PDSS2: variants seen among roughly 807,000 people sequenced by gnomAD.
PDSS2 encodes decaprenyl diphosphate synthase subunit 2.
In PDSS2, 31 loss-of-function variants were observed where a neutral mutation model predicts 44.5. That is an observed-to-expected ratio of 0.70 (90% CI 0.52 to 0.94). The LOEUF (loss-of-function observed/expected upper bound fraction) is 0.94, where lower values mean the gene tolerates loss of function less well. PDSS2 is among the 40% of genes least tolerant of loss of function. PDSS2 has a pLI of 0.00. For missense variants in PDSS2, 452 were observed against 482.2 expected (o/e 0.94, Z 0.59); for synonymous variants, 157 against 180.3 (o/e 0.87, Z 1.03).
intron 7 of PDSS2, among the ~76,000 whole-genome samples, chr6:107,187,794 C>A (rs1772225062): frequency 6.6e-6 from 1 of 152,158 alleles, no homozygotes; most frequent in Non-Finnish European, 1.5e-5. Context: ...GTTTGTCAAG[C>A]ACTCCTATGT....
intron 5 of PDSS2, among the ~76,000 whole-genome samples, chr6:107,211,356 A>G (rs1773197704): frequency 6.6e-6 from 1 of 151,882 alleles, no homozygotes; most frequent in Non-Finnish European, 1.5e-5. Flanking sequence ...CATTCAAAGA[A>G]TTAGTTATTA....
intron 1 of PDSS2, among the ~76,000 whole-genome samples, chr6:107,443,191 G>A (rs1781561657): frequency 6.6e-6 from 1 of 152,274 alleles, no homozygotes; most frequent in Admixed American, 6.5e-5. Flanking sequence ...TCTTCTGCCA[G>A]GCTTTCCTGC....
intron 3 of PDSS2, among the ~76,000 whole-genome samples, chr6:107,248,281 A>C (rs1294918977): frequency 1.3e-5 from 2 of 152,134 alleles, no homozygotes; most frequent in Admixed American, 6.6e-5. Context: ...TGCTGGCAGG[A>C]ATAATGGCAG....
chr6:107,437,967 G>A (rs1423763809), intron 1 of PDSS2, among the ~76,000 whole-genome samples: 1 of 152,138 alleles, frequency 6.6e-6, no homozygotes, highest in African/African-American at 2.4e-5. Flanking sequence ...GAGAAGGACT[G>A]CTACTGAAAT....
chr6:107,249,775 T>C (rs1297417861), intron 3 of PDSS2, among the ~76,000 whole-genome samples: 4 of 152,164 alleles, frequency 2.6e-5, no homozygotes, highest in Admixed American at 2.6e-4. Flanking sequence ...TGCTGCAGCA[T>C]AGGACAGTAA....
At chr6:107,454,074 G>A (rs1781958128) in intron 1 of PDSS2, among the ~76,000 whole-genome samples, 2 of 148,722 alleles carry the variant, frequency 1.3e-5, no homozygotes, top group South Asian at 4.2e-4. Flanking sequence ...TTGAGACAAG[G>A]TATCACTCCA....
At chr6:107,258,199 A>G (rs548861323) in intron 3 of PDSS2, among the ~76,000 whole-genome samples, 1 of 152,336 alleles carries the variant, frequency 6.6e-6, no homozygotes, top group East Asian at 1.9e-4. Flanking sequence ...ACTGCTTTAG[A>G]TTGCTGAAAT....
At chr6:107,378,681 G>A (rs915842086) in intron 1 of PDSS2, among the ~76,000 whole-genome samples, 6 of 152,176 alleles carry the variant, frequency 3.9e-5, no homozygotes, top group African/African-American at 1.2e-4. Context: ...AGCTACTGAA[G>A]GGGCTGAGGC....
chr6:107,396,682 T>TTTC (rs1554276012), intron 1 of PDSS2, among the ~76,000 whole-genome samples: 10 of 59,790 alleles, frequency 1.7e-4, no homozygotes, highest in African/African-American at 3.6e-4. Context: ...TTTTTTCTTT[T>TTTC]TTTTTTTTTT....
At chr6:107,180,822 A>G (rs1042767085) in intron 7 of PDSS2, among the ~76,000 whole-genome samples, 4 of 152,178 alleles carry the variant, frequency 2.6e-5, no homozygotes, top group Non-Finnish European at 4.4e-5. Context: ...ACTTTTACAT[A>G]TATCATTTTA....
chr6:107,316,120 G>A (rs1777190643), intron 2 of PDSS2, among the ~76,000 whole-genome samples: 1 of 152,160 alleles, frequency 6.6e-6, no homozygotes. Context: ...GTGGATGAAT[G>A]TATTATCCAT....
chr6:107,214,381 G>A lies in PDSS2; in HGVS notation c.703-2099C>T, dbSNP rs145678953. On this transcript the variant is annotated intron_variant, in intron 4 of 7. Coordinates refer to ENST00000369037, the MANE Select transcript of PDSS2 (RefSeq NM_020381.4). ...GCTGGGATTACAAGTGTGAGCCACC[G>A]CTCCCGGCCTTTACACTTTTTTTAT... Among the ~76,000 whole-genome samples, 643 of 152,134 alleles carry A rather than the reference G, an allele frequency of 4.2e-3. 6 individuals are homozygous for A. Among genetic ancestry groups the A allele is most frequent in the African/African-American group, 0.014 (587 of 41,512 alleles).
intron 2 of PDSS2, among the ~76,000 whole-genome samples, chr6:107,285,900 G>A (rs1451778874): frequency 6.6e-6 from 1 of 152,144 alleles, no homozygotes; most frequent in African/African-American, 2.4e-5. Context: ...AGTACTTTGG[G>A]AGGCCAAGGC....
chr6:107,243,024 C>T (rs1003053172), intron 4 of PDSS2, among the ~76,000 whole-genome samples: 1 of 152,158 alleles, frequency 6.6e-6, no homozygotes, highest in Non-Finnish European at 1.5e-5. Context: ...TAAATAAAGT[C>T]AGCAATTGGT....
intron 1 of PDSS2, among the ~76,000 whole-genome samples, chr6:107,446,695 G>A (rs892875650): frequency 6.6e-5 from 10 of 152,136 alleles, no homozygotes; most frequent in African/African-American, 2.2e-4. Context: ...GCCAGCAGAA[G>A]AGAGAATGAG....
rs542513036 is a variant in PDSS2, at chr6:107,363,668, G to C, written c.297-29336C>G. ...CACGGTGTGGAAGGGGACCCGAGCG[G>C]GTTGCCAATACTGGCTCGGGCAGCC... is the stretch of plus-strand genomic sequence containing the variant. On this transcript the variant is annotated intron_variant, in intron 1 of 7. Coordinates refer to ENST00000369037, the MANE Select transcript of PDSS2 (RefSeq NM_020381.4). Among the ~76,000 whole-genome samples, 7 of 152,306 alleles carry C rather than the reference G, an allele frequency of 4.6e-5. No individual in the cohort carries two copies. In the South Asian group the frequency reaches 1.0e-3, roughly 23 times the overall value.
intron 1 of PDSS2, among the ~76,000 whole-genome samples, chr6:107,417,482 G>C (rs141013905): frequency 3.0e-4 from 46 of 152,308 alleles, no homozygotes; most frequent in South Asian, 1.9e-3. Context: ...ATATTGGCCA[G>C]GTACAGTGAC....
At chr6:107,301,219 C>T (rs1037210707) in intron 2 of PDSS2, among the ~76,000 whole-genome samples, 1 of 152,148 alleles carries the variant, frequency 6.6e-6, no homozygotes, top group Non-Finnish European at 1.5e-5. Flanking sequence ...AAAGCAGTGG[C>T]AGCCTTTTAA....
chr6:107,326,240 C>CT (rs1423946610), intron 2 of PDSS2, among the ~76,000 whole-genome samples: 1 of 151,628 alleles, frequency 6.6e-6, no homozygotes, highest in East Asian at 2.0e-4. Flanking sequence ...GTAGCTGGGA[C>CT]TTACAGGCAG....
Sources: gnomAD v4.1 joint callset for allele counts (sites outside exome capture counted in the v4.1 genomes callset) on GRCh38, gnomAD v4.1.1 for gene constraint, MANE v1.5 for transcripts, NCBI Gene and HGNC (gene_info 2026-07-23, HGNC 2026-07-21) for gene names.